PLA2R1: variants seen among roughly 807,000 people sequenced by gnomAD.
PLA2R1 encodes the protein secretory phospholipase A2 receptor.
Under a neutral mutation model 195.9 loss-of-function variants are expected in PLA2R1, and 158 were observed. The observed-to-expected ratio is 0.81, with a 90% confidence interval of 0.71 to 0.92. PLA2R1 has a LOEUF of 0.92. PLA2R1 is among the 40% of genes least tolerant of loss of function. The pLI is 0.00. For synonymous variants in PLA2R1, 586 were observed against 598.2 expected (o/e 0.98, Z 0.30); for missense variants, 1,626 against 1,764.6 (o/e 0.92, Z 1.41).
At position 159,938,328 on chromosome 2, in the gene PLA2R1, T is replaced by C. The variant is rs1686926657; in HGVS notation, c.*3450A>G. Reference sequence around the variant, plus strand: ...CCATGAATGACTGAACAGAGCAAAGTCCTCTTGCCAGCCCATGCAGGTGTG... The same window carrying C: ...CCATGAATGACTGAACAGAGCAAAGCCCTCTTGCCAGCCCATGCAGGTGTG... On this transcript the variant is annotated 3_prime_UTR_variant, in exon 30 of 30. Transcript: ENST00000283243. The C allele has an allele frequency of 6.6e-6, 1 of 152,252 alleles. No individual in the cohort carries two copies. The highest frequency in any genetic ancestry group is 2.4e-5 in the African/African-American group (1 of 41,456). The allele number at this position is 152,252 out of a possible 1,614,324, so 9.4% of individuals were successfully genotyped here. A position where few individuals can be genotyped will look rare whatever the true frequency, so the allele number is the denominator to read the frequency against.
In PLA2R1 at chr2:159,976,767, G is replaced by C. The variant is rs376125682; in HGVS notation, c.2402-47C>G. 202 of 1,483,616 alleles carry C rather than the reference G, an allele frequency of 1.4e-4. No homozygotes were observed. In the African/African-American group the frequency reaches 2.6e-3, roughly 19 times the overall value. 91.9% of individuals were successfully genotyped at this position (1,483,616 alleles called of 1,614,324 possible). ...CTTTGACTGATCTTGCTTCTCAAGT[G>C]CATTGTCTGTGAATTACTTCAGCTC... On this transcript the variant is annotated intron_variant, in intron 15 of 29. Transcript: ENST00000283243.
intron 1 of PLA2R1, among the ~76,000 whole-genome samples, chr2:160,049,497 T>C (rs1177844056): frequency 6.6e-6 from 1 of 152,206 alleles, no homozygotes; most frequent in Admixed American, 6.5e-5. Flanking sequence ...TGTTCTGGAA[T>C]CATGGGAATT....
chr2:160,039,032 A>G (rs1694354346), intron 3 of PLA2R1, among the ~76,000 whole-genome samples: 1 of 151,890 alleles, frequency 6.6e-6, no homozygotes, highest in Admixed American at 6.6e-5. Context: ...ACACCCAGCT[A>G]ATTTTGTATT....
At chr2:160,029,735 T>C (rs3792191) in intron 4 of PLA2R1, among the ~76,000 whole-genome samples, 79,818 of 152,002 alleles carry the variant, frequency 0.53, 22,220 homozygotes, top group Non-Finnish European at 0.63. Context: ...TATTCCAGAA[T>C]AAATAGGTAC....
At chr2:159,963,931 C>G (rs1337253604) in intron 20 of PLA2R1, among the ~76,000 whole-genome samples, 2 of 152,130 alleles carry the variant, frequency 1.3e-5, no homozygotes, top group African/African-American at 2.4e-5. Flanking sequence ...CACACCAATG[C>G]TCATTGAAGC....
At chr2:159,975,916 C>G in intron 17 of PLA2R1, 152 bp downstream of exon 17, 1 of 654,398 alleles carries the variant, frequency 1.5e-6, no homozygotes, top group South Asian at 1.9e-5. Context: ...AAAAAATTCT[C>G]AAAAATCTAT....
intron 10 of PLA2R1, among the ~76,000 whole-genome samples, 160 bp downstream of exon 10, chr2:160,013,103 T>A (rs752492613): frequency 6.6e-6 from 1 of 152,210 alleles, no homozygotes; most frequent in Non-Finnish European, 1.5e-5. Flanking sequence ...AATAACATAG[T>A]ATAATTTAAA....
chr2:160,009,301 A>C (rs946923213), intron 10 of PLA2R1, among the ~76,000 whole-genome samples: 2 of 152,254 alleles, frequency 1.3e-5, no homozygotes, highest in African/African-American at 4.8e-5. Context: ...GGTGGGAGCA[A>C]CCCAAATGTC....
intron 5 of PLA2R1, 120 bp from the exon 6 acceptor site, chr2:160,028,481 A>G (rs760918422): frequency 6.5e-5 from 47 of 717,972 alleles, no homozygotes; most frequent in Non-Finnish European, 9.6e-5. Context: ...AGTAAATCCT[A>G]TAAGATGTTA....
At chr2:159,945,630 G>A (rs891370705) in intron 27 of PLA2R1, among the ~76,000 whole-genome samples, 8 of 152,114 alleles carry the variant, frequency 5.3e-5, no homozygotes, top group Non-Finnish European at 8.8e-5. Context: ...CCAAGTCTTT[G>A]CTATTGTGAA....
chr2:160,044,042 T>G (rs1694711425), intron 2 of PLA2R1, among the ~76,000 whole-genome samples: 1 of 151,808 alleles, frequency 6.6e-6, no homozygotes, highest in African/African-American at 2.4e-5. Context: ...GATGAATGGA[T>G]GGATGGATGG....
intron 16 of PLA2R1, among the ~76,000 whole-genome samples, 159 bp from the exon 17 acceptor site, chr2:159,976,384 A>G (rs1161169934): frequency 6.6e-6 from 1 of 152,154 alleles, no homozygotes; most frequent in Non-Finnish European, 1.5e-5. Context: ...ATAAATAGAT[A>G]TATAACTTGC....
At position 160,020,099 on chromosome 2, in the gene PLA2R1, A is replaced by C. The variant is rs1488436321; in HGVS notation, c.1452+7T>G. 1 of 1,608,032 alleles carries C rather than the reference A, an allele frequency of 6.2e-7. No individual in the cohort carries two copies. The highest frequency in any genetic ancestry group is 8.5e-7 in the Non-Finnish European group (1 of 1,177,128). On this transcript the variant is annotated splice_region_variant and intron_variant, in intron 8 of 29. Coordinates refer to ENST00000283243, the MANE Select transcript of PLA2R1 (RefSeq NM_007366.5). ...AAAGTGAGCACTGAACAAATGAATC[A>C]ACTTACAGACTGCTCTGCTGAGACA...
chr2:159,955,740 C>G lies in PLA2R1; in HGVS notation c.3111G>C (p.Lys1037Asn), dbSNP rs761875314. The G allele has an allele frequency of 1.2e-5, 19 of 1,580,992 alleles. No individual in the cohort carries two copies. The Admixed American group carries it at 2.9e-4, about 24-fold the overall frequency. Residue 1037 changes from lysine (K) to asparagine (N), a missense_variant, in exon 22 of 30, where the codon AAG (lysine) becomes AAC (asparagine). Lys to Asn is a moderately conservative substitution (Grantham distance 94). Transcript: ENST00000283243. ...NDDYETWLNG[K>N]PVVYSNWSPF... ...GAGACCAGTTAGAATATACCACAGG[C>G]TTTCCATTTAGCCATGTTTCATAAT...
chr2:159,929,503 G>C (rs1272760703), downstream of PLA2R1, among the ~76,000 whole-genome samples: 1 of 140,728 alleles, frequency 7.1e-6, no homozygotes. Context: ...TAAAAAAATA[G>C]ATGTTGGTGT....
intron 11 of PLA2R1, among the ~76,000 whole-genome samples, chr2:159,989,090 C>T (rs1449809305): frequency 6.6e-6 from 1 of 152,154 alleles, no homozygotes; most frequent in Non-Finnish European, 1.5e-5. Flanking sequence ...CTATCCCTCA[C>T]ATAGAAGAAA....
At chr2:159,962,567 A>G (rs1054859561) in intron 20 of PLA2R1, among the ~76,000 whole-genome samples, 1 of 152,236 alleles carries the variant, frequency 6.6e-6, no homozygotes, top group Non-Finnish European at 1.5e-5. Context: ...TCATGCTGCT[A>G]TAAAGACACA....
At chr2:159,965,207 A>C (rs1156910807) in intron 20 of PLA2R1, among the ~76,000 whole-genome samples, 1 of 152,222 alleles carries the variant, frequency 6.6e-6, no homozygotes, top group African/African-American at 2.4e-5. Context: ...TGTGTTGTAC[A>C]TTCTATGAGT....
rs552809849 is a variant in PLA2R1, at chr2:159,939,134, G to A, written c.*2644C>T. 5.3e-5 allele frequency: 8 copies of A among 152,216 alleles called. No individual in the cohort carries two copies. Among genetic ancestry groups the A allele is most frequent in the Middle Eastern group, 3.4e-3 (1 of 294 alleles). The allele number at this position is 152,216 out of a possible 1,614,324, so 9.4% of individuals were successfully genotyped here. A position where few individuals can be genotyped will look rare whatever the true frequency, so the allele number is the denominator to read the frequency against. ...TGGTAAAGTCTGGTGTAACCATCAC[G>A]CAAATAGTGTATAATATACCCATTA... On this transcript the variant is annotated 3_prime_UTR_variant, in exon 30 of 30. Coordinates refer to ENST00000283243, the MANE Select transcript of PLA2R1 (RefSeq NM_007366.5).
Sources: gnomAD v4.1 joint callset for allele counts (sites outside exome capture counted in the v4.1 genomes callset) on GRCh38, gnomAD v4.1.1 for gene constraint, MANE v1.5 for transcripts, NCBI Gene and HGNC (gene_info 2026-07-23, HGNC 2026-07-21) for gene names.